Variants in GALNT18 observed in about 807,000 individuals in gnomAD.
GALNT18 encodes polypeptide N-acetylgalactosaminyltransferase 18, also known as GalNAc-transferase 18.
GALNT18 carries 44 observed loss-of-function variants against 69.5 expected under a neutral mutation model. The observed-to-expected ratio is 0.63, with a 90% CI of 0.50 to 0.81. The LOEUF is 0.81. GALNT18 is among the 40% of genes least tolerant of loss of function. The probability of loss-of-function intolerance (pLI) is 0.00; values close to 1 mark genes in which losing one functional copy is unlikely to be tolerated. For missense variants in GALNT18, 715 were observed against 810.0 expected (o/e 0.88, Z 1.42); for synonymous variants, 364 against 318.2 (o/e 1.14, Z -1.53).
chr11:11,568,349 G>A (rs1858702475), intron 1 of GALNT18, among the ~76,000 whole-genome samples: 3 of 151,984 alleles, frequency 2.0e-5, no homozygotes, highest in Admixed American at 2.0e-4. Context: ...TTGCACCTAT[G>A]TCCTGTGGCT....
chr11:11,553,885 A>G (rs1858261258), intron 1 of GALNT18, among the ~76,000 whole-genome samples: 1 of 152,190 alleles, frequency 6.6e-6, no homozygotes, highest in Non-Finnish European at 1.5e-5. Flanking sequence ...TAGAAAATGC[A>G]TGGGCACATC....
At chr11:11,498,679 G>A (rs184947431) in intron 1 of GALNT18, among the ~76,000 whole-genome samples, 242 of 152,294 alleles carry the variant, frequency 1.6e-3, no homozygotes, top group Non-Finnish European at 2.8e-3. Flanking sequence ...TGCACCTGTA[G>A]TCCCAGCTAC....
intron 6 of GALNT18, among the ~76,000 whole-genome samples, chr11:11,343,960 C>A (rs962758264): frequency 6.6e-6 from 1 of 152,172 alleles, no homozygotes; most frequent in African/African-American, 2.4e-5. Context: ...ATCCCTGCAG[C>A]CACCTCCCTT....
At chr11:11,327,330 C>A (rs942499125) in intron 8 of GALNT18, 149 bp from the exon 9 acceptor site, 18 of 632,236 alleles carry the variant, frequency 2.8e-5, no homozygotes, top group Admixed American at 1.0e-4. Context: ...CCAACAAGCA[C>A]CAGCTTTTGC....
intron 10 of GALNT18, among the ~76,000 whole-genome samples, chr11:11,290,844 T>C (rs1257368542): frequency 2.0e-5 from 3 of 152,106 alleles, no homozygotes; most frequent in Non-Finnish European, 4.4e-5. Context: ...GTGACCTCCA[T>C]AGACTCTGAA....
chr11:11,384,294 A>G (rs1472841306), intron 3 of GALNT18, among the ~76,000 whole-genome samples: 2 of 152,132 alleles, frequency 1.3e-5, no homozygotes, highest in African/African-American at 2.4e-5. Flanking sequence ...GCAACTAAGA[A>G]TACCTGACAC....
intron 6 of GALNT18, among the ~76,000 whole-genome samples, chr11:11,361,124 A>G (rs1007202617): frequency 2.6e-5 from 4 of 152,210 alleles, no homozygotes; most frequent in Non-Finnish European, 4.4e-5. Flanking sequence ...TTCATCTCCA[A>G]TTTCCCAGCA....
At chr11:11,527,721 T>C (rs1013304443) in intron 1 of GALNT18, among the ~76,000 whole-genome samples, 1 of 152,180 alleles carries the variant, frequency 6.6e-6, no homozygotes, top group African/African-American at 2.4e-5. Context: ...CATAACAAAT[T>C]CCTCCCCTCA....
chr11:11,344,789 C>T (rs999462549), intron 6 of GALNT18, among the ~76,000 whole-genome samples: 7 of 152,130 alleles, frequency 4.6e-5, no homozygotes, highest in African/African-American at 1.7e-4. Flanking sequence ...AGCAAAGACA[C>T]CCTGAACATG....
rs1447945230 is a variant in GALNT18, at chr11:11,543,277, T to C, written c.235+78082A>G. Among the ~76,000 whole-genome samples, 1 of 152,226 alleles carries C rather than the reference T, an allele frequency of 6.6e-6. No homozygotes were observed. The highest frequency in any genetic ancestry group is 1.5e-5 in the Non-Finnish European group (1 of 68,034). On this transcript the variant is annotated intron_variant, in intron 1 of 10. Coordinates refer to ENST00000227756, the MANE Select transcript of GALNT18 (RefSeq NM_198516.3). The surrounding 1 kb of genome is among the most constrained non-coding windows in gnomAD (Gnocchi z 5.1). The stretch of plus-strand genomic sequence containing the variant: ...GTGATCATTGCAAGTTGTTGCATCC[T>C]TGAGAGTAAGTAGAATTTGTGGCCT...
intron 1 of GALNT18, among the ~76,000 whole-genome samples, chr11:11,507,416 T>C (rs1857086977): frequency 6.6e-6 from 1 of 152,170 alleles, no homozygotes; most frequent in South Asian, 2.1e-4. Flanking sequence ...TTTTCCTTTT[T>C]ATTTTTCCTC....
intron 6 of GALNT18, among the ~76,000 whole-genome samples, chr11:11,350,278 T>C (rs369981042): frequency 3.3e-5 from 5 of 152,236 alleles, no homozygotes; most frequent in African/African-American, 1.2e-4. Context: ...TGGCTTTTCC[T>C]TGGACCCAGT....
Position 11,319,812 on chromosome 11 carries a change from CT to C in GALNT18, c.1512+7273del, listed in dbSNP as rs762414800. On this transcript the variant is annotated intron_variant, in intron 9 of 10. Transcript: ENST00000227756. ...TTAACGTCCCCCTTAAATCTGTTCT[CT>C]TTTTAAGCTAAACAATTCCTACTCT... Among the ~76,000 whole-genome samples the C allele has an allele frequency of 4.7e-4, 72 of 152,304 alleles. 1 individual carries two copies. The highest frequency in any genetic ancestry group is 9.6e-4 in the Non-Finnish European group (65 of 68,018).
chr11:11,513,212 G>T (rs1857199436), intron 1 of GALNT18, among the ~76,000 whole-genome samples: 2 of 152,220 alleles, frequency 1.3e-5, no homozygotes, highest in Admixed American at 1.3e-4. Context: ...GGCACTGCAT[G>T]TCTCTGAGCC....
At position 11,341,334 on chromosome 11, in the gene GALNT18, C is replaced by T. The variant is rs912358627; in HGVS notation, c.1093-330G>A. ...TCCAAAGATCTGAATTCTCCTTGCA[C>T]TTGGGGGAGAAGTTAACAAAACCCT... On this transcript the variant is annotated intron_variant, in intron 6 of 10. Transcript: ENST00000227756. This position sits in a 1 kb window ranked among gnomAD's most constrained non-coding sequence, Gnocchi z 6.3. Among the ~76,000 whole-genome samples the T allele has an allele frequency of 4.6e-5, 7 of 152,132 alleles. No individual in the cohort carries two copies. Among genetic ancestry groups the T allele is most frequent in the Admixed American group, 3.3e-4 (5 of 15,280 alleles).
At chr11:11,516,887 T>C (rs7946738) in intron 1 of GALNT18, among the ~76,000 whole-genome samples, 23,630 of 152,196 alleles carry the variant, frequency 0.16, 2,027 homozygotes, top group South Asian at 0.22. Context: ...ATATGTCCAG[T>C]GCAATGGACT....
rs1855890796 is a variant in GALNT18 at position 11,454,847 on chromosome 11, C to T, written c.236-5911G>A. 6.6e-6 allele frequency among the ~76,000 whole-genome samples: 1 copy of T among 152,196 alleles called. No homozygotes were observed. The highest frequency in any genetic ancestry group is 1.5e-5 in the Non-Finnish European group (1 of 68,022). ...TGCTCATTACAGAAATCCTCACCAT[C>T]AAGCCCTGAGGGGAGGATTCCCTCC... is the stretch of plus-strand genomic sequence containing the variant. On this transcript the variant is annotated intron_variant, in intron 1 of 10. Coordinates refer to ENST00000227756, the MANE Select transcript of GALNT18 (RefSeq NM_198516.3). The surrounding 1 kb of genome is among the most constrained non-coding windows in gnomAD (Gnocchi z 4.2).
At chr11:11,322,368 G>T (rs1023916606) in intron 9 of GALNT18, among the ~76,000 whole-genome samples, 5 of 152,168 alleles carry the variant, frequency 3.3e-5, no homozygotes, top group Non-Finnish European at 4.4e-5. Flanking sequence ...CTCTGCTCAG[G>T]CCAACATCTA....
In GALNT18 at chr11:11,421,153, G is replaced by A. The variant is rs1194507505; in HGVS notation, c.595+11468C>T. Among the ~76,000 whole-genome samples the A allele has an allele frequency of 6.6e-6, 1 of 152,128 alleles. No individual in the cohort carries two copies. The highest frequency in any genetic ancestry group is 1.5e-5 in the Non-Finnish European group (1 of 68,038). ...TTCCTGTATCGAGTAAAGGGGACAA[G>A]AGGAGTGATGAGCTACCCACACCAC... On this transcript the variant is annotated intron_variant, in intron 3 of 10. Transcript: ENST00000227756. This position sits in a 1 kb window ranked among gnomAD's most constrained non-coding sequence, Gnocchi z 5.6.
Sources: gnomAD v4.1 joint callset for allele counts (sites outside exome capture counted in the v4.1 genomes callset) on GRCh38, gnomAD v4.1.1 for gene constraint, Gnocchi (gnomAD v3.1) non-coding constraint, MANE v1.5 for transcripts, NCBI Gene and HGNC (gene_info 2026-07-23, HGNC 2026-07-21) for gene names.